Variants in PALM2AKAP2 observed in about 807,000 individuals in gnomAD.
PALM2AKAP2 encodes PALM2-AKAP2 fusion protein.
Under a neutral mutation model 71.5 loss-of-function variants are expected in PALM2AKAP2, and 37 were observed. The observed-to-expected ratio is 0.52, with a 90% CI of 0.40 to 0.68. PALM2AKAP2 has a LOEUF of 0.68. Ranked by LOEUF, PALM2AKAP2 falls within the 30% of genes least tolerant of loss-of-function variation. The pLI is 0.00. For synonymous variants in PALM2AKAP2, 468 were observed against 478.8 expected (o/e 0.98, Z 0.29); for missense variants, 1,224 against 1,191.8 (o/e 1.03, Z -0.40).
At chr9:110,013,300 C>A (rs969006475) in intron 6 of PALM2AKAP2, among the ~76,000 whole-genome samples, 1 of 152,168 alleles carries the variant, frequency 6.6e-6, no homozygotes, top group Non-Finnish European at 1.5e-5. Flanking sequence ...TCTCCCACAG[C>A]AGGAGAGGAG....
At chr9:109,833,416 A>G (rs1224333581) in intron 1 of PALM2AKAP2, among the ~76,000 whole-genome samples, 2 of 152,154 alleles carry the variant, frequency 1.3e-5, no homozygotes, top group African/African-American at 4.8e-5. Flanking sequence ...AGTGAGCACC[A>G]TGGTGGCCCT....
At chr9:109,852,877 T>G (rs1704495131) in intron 1 of PALM2AKAP2, among the ~76,000 whole-genome samples, 1 of 152,228 alleles carries the variant, frequency 6.6e-6, no homozygotes, top group South Asian at 2.1e-4. Flanking sequence ...TTAATGGGGT[T>G]GTTTTTTACT....
At chr9:110,074,022 A>G (rs1360362165) in intron 1 of PALM2AKAP2, among the ~76,000 whole-genome samples, 1 of 152,218 alleles carries the variant, frequency 6.6e-6, no homozygotes, top group African/African-American at 2.4e-5. Context: ...CACCATTAGT[A>G]ATTGGACAAA....
chr9:109,778,623 C>T (rs554807391), upstream of PALM2AKAP2, among the ~76,000 whole-genome samples: 4 of 152,272 alleles, frequency 2.6e-5, no homozygotes, highest in South Asian at 2.1e-4. Flanking sequence ...CATCAGTAAA[C>T]GATTTTGGTG....
intron 3 of PALM2AKAP2, among the ~76,000 whole-genome samples, chr9:109,886,233 G>A (rs902533974): frequency 2.6e-5 from 4 of 152,116 alleles, no homozygotes; most frequent in South Asian, 4.1e-4. Flanking sequence ...GCCATTGTCC[G>A]TGCCATTATT....
At chr9:109,670,593 T>C (rs560379870) in intron 1 of PALM2AKAP2, among the ~76,000 whole-genome samples, 2 of 152,166 alleles carry the variant, frequency 1.3e-5, no homozygotes, top group African/African-American at 4.8e-5. Flanking sequence ...CATGCTTATG[T>C]TTTTATAATA....
chr9:109,968,684 T>G (rs1832003176), intron 6 of PALM2AKAP2, among the ~76,000 whole-genome samples: 1 of 152,160 alleles, frequency 6.6e-6, no homozygotes, highest in Non-Finnish European at 1.5e-5. Context: ...GGGGACTCCA[T>G]GTGAAATCAA....
intron 1 of PALM2AKAP2, among the ~76,000 whole-genome samples, chr9:109,729,765 A>C (rs114474529): frequency 0.043 from 6,588 of 152,212 alleles, 191 homozygotes; most frequent in Non-Finnish European, 0.053. Context: ...GACCTGTTTA[A>C]ATTTCTGTGC....
intron 1 of PALM2AKAP2, among the ~76,000 whole-genome samples, chr9:109,843,768 C>T (rs909330684): frequency 2.0e-5 from 3 of 152,188 alleles, no homozygotes; most frequent in African/African-American, 7.2e-5. Flanking sequence ...TAGCTGGCAG[C>T]ACTACCTCGG....
intron 6 of PALM2AKAP2, among the ~76,000 whole-genome samples, chr9:109,984,427 G>A (rs2132209934): frequency 6.6e-6 from 1 of 152,256 alleles, no homozygotes; most frequent in South Asian, 2.1e-4. Flanking sequence ...TGAAGCTGAG[G>A]TGGGAGGATC....
chr9:110,142,227 A>G (rs1273605021), intron 2 of PALM2AKAP2, among the ~76,000 whole-genome samples: 1 of 151,998 alleles, frequency 6.6e-6, no homozygotes, highest in African/African-American at 2.4e-5. Flanking sequence ...GTCCATCACC[A>G]TGCCCAGCTA....
chr9:110,145,379 A>C (rs1836138975), intron 2 of PALM2AKAP2, among the ~76,000 whole-genome samples: 1 of 152,164 alleles, frequency 6.6e-6, no homozygotes. Context: ...TTCTTTTTGA[A>C]AGTTATTTCC....
At chr9:109,645,337 G>T (rs1448543542) in intron 1 of PALM2AKAP2, among the ~76,000 whole-genome samples, 1 of 152,100 alleles carries the variant, frequency 6.6e-6, no homozygotes, top group Non-Finnish European at 1.5e-5. Flanking sequence ...CAAGGGAAAG[G>T]CCTGCCCCCA....
Position 109,858,686 on chromosome 9 carries a change from C to G in PALM2AKAP2, c.46-8805C>G, listed in dbSNP as rs115440556. ...TTATTCCTGCCATTTGGGACTTTTT[C>G]AGAGTCCTCTACCATTCTGCCTACC... On this transcript the variant is annotated intron_variant, in intron 1 of 9. Coordinates refer to the PALM2AKAP2 transcript ENST00000302798. Among the ~76,000 whole-genome samples the G allele has an allele frequency of 1.4e-3, 217 of 152,270 alleles. 2 individuals carry two copies. Among genetic ancestry groups the G allele is most frequent in the African/African-American group, 5.0e-3 (206 of 41,562 alleles).
chr9:110,047,747 G>C (rs1023382311), upstream of PALM2AKAP2, among the ~76,000 whole-genome samples: 2 of 152,196 alleles, frequency 1.3e-5, no homozygotes, highest in Non-Finnish European at 2.9e-5. Flanking sequence ...ACCACAGCTT[G>C]CTTTTGAAAG....
intron 6 of PALM2AKAP2, among the ~76,000 whole-genome samples, chr9:110,002,960 T>A (rs1222926003): frequency 6.6e-6 from 1 of 152,246 alleles, no homozygotes; most frequent in Non-Finnish European, 1.5e-5. Flanking sequence ...CTATCAATTT[T>A]GTTGATCTTT....
upstream of PALM2AKAP2, among the ~76,000 whole-genome samples, chr9:110,043,864 G>A (rs1231013983): frequency 6.6e-6 from 1 of 151,586 alleles, no homozygotes; most frequent in African/African-American, 2.4e-5. Flanking sequence ...GGGATCACAA[G>A]CATGTCACCA....
upstream of PALM2AKAP2, among the ~76,000 whole-genome samples, chr9:110,048,085 C>T (rs1833631808): frequency 6.6e-6 from 1 of 152,214 alleles, no homozygotes; most frequent in Non-Finnish European, 1.5e-5. Flanking sequence ...GTCCACACCT[C>T]AGCCTCTGAA....
At chr9:110,087,987 C>CA (rs1172309739) in intron 1 of PALM2AKAP2, among the ~76,000 whole-genome samples, 1 of 151,912 alleles carries the variant, frequency 6.6e-6, no homozygotes, top group Admixed American at 6.6e-5. Context: ...TTCTGAATTG[C>CA]AAAAAAGAGC....
Sources: gnomAD v4.1 joint callset for allele counts (sites outside exome capture counted in the v4.1 genomes callset) on GRCh38, gnomAD v4.1.1 for gene constraint, MANE v1.5 for transcripts, NCBI Gene and HGNC (gene_info 2026-07-23, HGNC 2026-07-21) for gene names.